The following NTN4 variants were observed in gnomAD, a reference collection of about 807,000 sequenced individuals.
NTN4 encodes the protein netrin 4.
In NTN4, 32 loss-of-function variants were observed where a neutral mutation model predicts 73.6. That is an observed-to-expected ratio of 0.44 (90% confidence interval 0.33 to 0.58). The LOEUF is 0.58. Ranked by LOEUF, NTN4 falls within the 20% of genes least tolerant of loss-of-function variation. The probability of loss-of-function intolerance (pLI) is 0.04; values close to 1 mark genes in which losing one functional copy is unlikely to be tolerated. For missense variants in NTN4, 654 were observed against 798.3 expected (o/e 0.82, Z 2.18); for synonymous variants, 258 against 287.5 (o/e 0.90, Z 1.04).
At chr12:95,684,611 G>T (rs1262959743) in intron 5 of NTN4, among the ~76,000 whole-genome samples, 1 of 151,640 alleles carries the variant, frequency 6.6e-6, no homozygotes, top group Non-Finnish European at 1.5e-5. Flanking sequence ...CTGGCCGTAA[G>T]TCTTTAATAC....
chr12:95,755,575 G>A (rs113170048), intron 2 of NTN4, among the ~76,000 whole-genome samples: 4 of 152,200 alleles, frequency 2.6e-5, no homozygotes, highest in Admixed American at 2.0e-4. Flanking sequence ...TGGAGCATTC[G>A]GCACCCTGTT....
intron 2 of NTN4, among the ~76,000 whole-genome samples, chr12:95,780,195 C>G (rs2079122319): frequency 6.6e-6 from 1 of 152,092 alleles, no homozygotes; most frequent in African/African-American, 2.4e-5. Context: ...ACCATAAAAA[C>G]CCTAGAAGAA....
At chr12:95,723,930 G>C (rs563142093) in intron 3 of NTN4, among the ~76,000 whole-genome samples, 129 of 152,004 alleles carry the variant, frequency 8.5e-4, no homozygotes, top group Non-Finnish European at 1.6e-3. Flanking sequence ...TTTGACTCAT[G>C]TTCGTTTTAT....
intron 2 of NTN4, among the ~76,000 whole-genome samples, chr12:95,759,496 T>TG (rs1370302670): frequency 2.7e-3 from 407 of 151,194 alleles, no homozygotes; most frequent in African/African-American, 8.9e-3. Flanking sequence ...TTTTTGTTTT[T>TG]TTTTTTTTTT....
intron 2 of NTN4, among the ~76,000 whole-genome samples, chr12:95,740,958 C>G (rs767500537): frequency 3.3e-5 from 5 of 152,144 alleles, no homozygotes; most frequent in Non-Finnish European, 7.3e-5. Flanking sequence ...TGTGTTTCAA[C>G]AAGCCTTCCA....
At chr12:95,696,468 C>A (rs968110358) in intron 5 of NTN4, among the ~76,000 whole-genome samples, 2 of 152,140 alleles carry the variant, frequency 1.3e-5, no homozygotes, top group Admixed American at 1.3e-4. Flanking sequence ...CACCTCACTG[C>A]CGTCACTATA....
intron 7 of NTN4, among the ~76,000 whole-genome samples, chr12:95,679,303 G>C (rs929565351): frequency 2.0e-5 from 3 of 152,136 alleles, no homozygotes; most frequent in African/African-American, 7.2e-5. Context: ...ATATATTGTG[G>C]TATTGGCTCA....
chr12:95,660,990 G>A (rs529218292), intron 9 of NTN4, among the ~76,000 whole-genome samples: 1 of 152,282 alleles, frequency 6.6e-6, no homozygotes, highest in South Asian at 2.1e-4. Context: ...AGATGAATGT[G>A]TGTCTTTTTA....
chr12:95,689,331 C>CT (rs1592666287), intron 5 of NTN4, among the ~76,000 whole-genome samples: 1 of 152,176 alleles, frequency 6.6e-6, no homozygotes, highest in African/African-American at 2.4e-5. Context: ...TAGCAGAGGC[C>CT]TAGCCTACTT....
chr12:95,785,049 T>TG (rs2079157785), intron 2 of NTN4, among the ~76,000 whole-genome samples: 1 of 152,234 alleles, frequency 6.6e-6, no homozygotes, highest in African/African-American at 2.4e-5. Context: ...TGAGCATGCC[T>TG]GCCATCTGGT....
At chr12:95,699,850 A>G (rs1024767257) in intron 5 of NTN4, among the ~76,000 whole-genome samples, 5 of 152,172 alleles carry the variant, frequency 3.3e-5, no homozygotes, top group African/African-American at 1.2e-4. Context: ...CAATCTTTCA[A>G]GAGGTTGTTT....
At chr12:95,708,252 GTTATTTTAT>G (rs1260903666) in intron 5 of NTN4, among the ~76,000 whole-genome samples, 1 of 145,200 alleles carries the variant, frequency 6.9e-6, no homozygotes, top group Non-Finnish European at 1.5e-5. Flanking sequence ...TTTCTTTATT[GTTATTTTAT>G]TTATTTATTT....
At chr12:95,752,459 CTT>C (rs1344990391) in intron 2 of NTN4, among the ~76,000 whole-genome samples, 2 of 151,570 alleles carry the variant, frequency 1.3e-5, no homozygotes, top group African/African-American at 4.8e-5. Flanking sequence ...CCCAGCCTCT[CTT>C]TGCTTTCACT....
At chr12:95,694,594 T>G (rs181144583) in intron 5 of NTN4, among the ~76,000 whole-genome samples, 1 of 152,196 alleles carries the variant, frequency 6.6e-6, no homozygotes, top group South Asian at 2.1e-4. Flanking sequence ...ATGAGATCTT[T>G]TATCTTTTTT....
intron 2 of NTN4, among the ~76,000 whole-genome samples, chr12:95,774,010 AAGTGC>A (rs570707261): frequency 8.5e-5 from 13 of 152,258 alleles, no homozygotes; most frequent in African/African-American, 2.9e-4. Context: ...GGATAACACT[AAGTGC>A]AAAGAGCCTT....
At chr12:95,784,832 T>C (rs2079156475) in intron 2 of NTN4, among the ~76,000 whole-genome samples, 1 of 152,156 alleles carries the variant, frequency 6.6e-6, no homozygotes, top group African/African-American at 2.4e-5. Context: ...GTTTAGAAGG[T>C]ATCTGTACAC....
At chr12:95,709,945 T>C (rs1047805549) in intron 5 of NTN4, among the ~76,000 whole-genome samples, 6 of 152,230 alleles carry the variant, frequency 3.9e-5, no homozygotes, top group Non-Finnish European at 7.3e-5. Flanking sequence ...AAATTAGTTA[T>C]GATAGTGAGG....
chr12:95,661,830 G>A (rs948408897), intron 9 of NTN4, among the ~76,000 whole-genome samples: 1 of 107,330 alleles, frequency 9.3e-6, no homozygotes, highest in African/African-American at 3.9e-5. Flanking sequence ...TCATAAAAAA[G>A]GAACTGTGCT....
chr12:95,730,006 CA>C (rs1326518727), intron 3 of NTN4, among the ~76,000 whole-genome samples: 1 of 151,960 alleles, frequency 6.6e-6, no homozygotes, highest in East Asian at 1.9e-4. Context: ...CAGATGGACC[CA>C]AAAATGTTAT....
Sources: allele counts gnomAD v4.1 joint callset (sites outside exome capture counted in the v4.1 genomes callset), GRCh38; gene constraint gnomAD v4.1.1; transcripts MANE v1.5; gene names NCBI Gene and HGNC (gene_info 2026-07-23, HGNC 2026-07-21).